Variants in ZNF142 observed in about 807,000 individuals in gnomAD.
The protein encoded by ZNF142 is zinc finger protein 142, also known as zinc finger protein 142 (clone pHZ-49).
ZNF142 carries 96 observed loss-of-function variants against 132.1 expected under a neutral mutation model. The ratio of observed to expected loss-of-function variants is 0.73; its 90% CI spans 0.62 to 0.86. The LOEUF (loss-of-function observed/expected upper bound fraction) is 0.86, where lower values mean the gene tolerates loss of function less well. Ranked by LOEUF, ZNF142 falls within the 40% of genes least tolerant of loss-of-function variation. The probability of loss-of-function intolerance (pLI) is 0.00; values close to 1 mark genes in which losing one functional copy is unlikely to be tolerated. For synonymous variants in ZNF142, 842 were observed against 890.1 expected, an observed-to-expected ratio of 0.95 and a Z score of 0.96; for missense variants, 2,163 against 2,336.2, an observed-to-expected ratio of 0.93 and a Z score of 1.53.
chr2:218,656,207 T>G lies in ZNF142; in HGVS notation c.223A>C (p.Ile75Leu). Residue 75 changes from isoleucine to leucine, a missense_variant, in exon 4 of 11, where the codon ATC (isoleucine) becomes CTC (leucine). Coordinates refer to ENST00000411696, the MANE Select transcript of ZNF142 (RefSeq NM_001379659.1). The stretch of plus-strand genomic sequence containing the variant: ...GTTCCAGCTACTGTCTCCACAATGA[T>G]CTCCATGTTCCCTGGTCCCTCTTCA... ...ATEEGPGNME[I>L]IVETVAGTLT... 6.2e-7 allele frequency: 1 copy of G among 1,612,200 alleles called. No homozygotes were observed. The highest frequency in any genetic ancestry group is 8.5e-7 in the Non-Finnish European group (1 of 1,179,002).
At position 218,656,315 on chromosome 2, in the gene ZNF142, GC is replaced by G; in HGVS notation, c.114del (p.Pro39LeufsTer23). 6.2e-7 allele frequency: 1 copy of G among 1,605,870 alleles called. No individual in the cohort carries two copies. The highest frequency in any genetic ancestry group is 1.1e-5 in the South Asian group (1 of 89,238). ...CGGGAAGGACAGGGGCTCTGGACAG[GC>G]CCCAGGATTCCACGGTTAGAGAGAG... ...PPPLSNRGIL[G>X]PVQSPCPSRD... On this transcript the variant is annotated frameshift_variant, in exon 4 of 11. Coordinates refer to ENST00000411696, the MANE Select transcript of ZNF142 (RefSeq NM_001379659.1). LOFTEE classifies it high-confidence loss of function.
chr2:218,642,809 G>A lies in ZNF142; in HGVS notation c.4307C>T (p.Thr1436Met), dbSNP rs779658769. ...GRIPCSSCPQ[T>M]FGTNSKLRLH... ...GCGCAGTTTCGAGTTGGTACCAAAC[G>A]TCTGGGGGCAAGAGCTGCAGGGGAT... Residue 1436 changes from threonine to methionine, a missense_variant, in exon 9 of 11, where the codon ACG (threonine) becomes ATG (methionine). Coordinates refer to ENST00000411696, the MANE Select transcript of ZNF142 (RefSeq NM_001379659.1). This position sits in a 1 kb window ranked among gnomAD's most constrained non-coding sequence, Gnocchi z 4.6. The A allele has an allele frequency of 5.6e-6, 9 of 1,614,220 alleles. No homozygotes were observed. Among genetic ancestry groups the A allele is most frequent in the East Asian group, 2.2e-5 (1 of 44,890 alleles).
chr2:218,639,869 C>G (rs1426225257), intron 10 of ZNF142, among the ~76,000 whole-genome samples: 2 of 149,618 alleles, frequency 1.3e-5, no homozygotes, highest in Admixed American at 1.3e-4. Context: ...TTCTGGCTAA[C>G]ACGGTGAAAC....
Position 218,643,805 on chromosome 2 carries a change from G to C in ZNF142, c.3311C>G (p.Ser1104Ter). Residue 1104 changes from serine to a stop codon, truncating the protein, a stop_gained, in exon 9 of 11, where the codon TCA (serine) becomes TGA (stop). Coordinates refer to ENST00000411696, the MANE Select transcript of ZNF142 (RefSeq NM_001379659.1). LOFTEE classifies it high-confidence loss of function. ...RKNKGLPRPD[S>*]PIPLQPVLPG... ...GAGCACAGGTTGCAGAGGGATGGGT[G>C]AATCTGGTCTGGGCAAGCCCTTGTT... The C allele has an allele frequency of 6.2e-7, 1 of 1,611,598 alleles. No homozygotes were observed. The highest frequency in any genetic ancestry group is 8.5e-7 in the Non-Finnish European group (1 of 1,178,362).
At chr2:218,648,511 T>G in intron 7 of ZNF142, 124 bp downstream of exon 7, 4 of 914,368 alleles carry the variant, frequency 4.4e-6, no homozygotes, top group Non-Finnish European at 6.5e-6. Context: ...ATTTGTAAAC[T>G]TGGAATGCTA....
chr2:218,638,696 C>G lies in ZNF142; in HGVS notation c.5307G>C (p.Gln1769His). 1 of 1,614,214 alleles carries G rather than the reference C, an allele frequency of 6.2e-7. No homozygotes were observed. Among genetic ancestry groups the G allele is most frequent in the South Asian group, 1.1e-5 (1 of 91,086 alleles). ...HREARAFMCEQCGKAFKTRFL... is the reference protein window; with the variant it reads ...HREARAFMCEHCGKAFKTRFL... ...AGCGCGTCTTGAAGGCCTTGCCACA[C>G]TGCTCACACATGAAAGCCCGTGCTT... Residue 1769 changes from glutamine to histidine, a missense_variant, in exon 11 of 11, where the codon CAG becomes CAC. Gln to His is a conservative substitution (Grantham distance 24, BLOSUM62 0). This residue lies in a region of ZNF142 where 325 missense variants were observed against 367.8 expected (regional missense o/e 0.88). Transcript: ENST00000411696.
chr2:218,648,868 T>C lies in ZNF142; in HGVS notation c.1640A>G (p.His547Arg), dbSNP rs747455639. Residue 547 changes from histidine to arginine, a missense_variant, in exon 7 of 11, where the codon CAC (histidine) becomes CGC (arginine). By Grantham distance (29) the His-to-Arg change is conservative. Around this residue, in one of 7 missense-constraint regions of ZNF142, gnomAD observed 749 missense variants for 830.3 expected, o/e 0.90. Transcript: ENST00000411696. Reference sequence around the variant, plus strand: ...CTTATTGGAACAAGCAAAATCACAGTGGGGGCAGTGGAAGGCGTAGTGACT... The same window carrying C: ...CTTATTGGAACAAGCAAAATCACAGCGGGGGCAGTGGAAGGCGTAGTGACT... ...HKSHYAFHCP[H>R]CDFACSNKHL... is the part of the protein sequence containing the mutation. 9.3e-6 allele frequency: 15 copies of C among 1,614,124 alleles called. No homozygotes were observed. The highest frequency in any genetic ancestry group is 1.6e-4 in the Middle Eastern group (1 of 6,062).
intron 8 of ZNF142, among the ~76,000 whole-genome samples, chr2:218,645,952 G>A (rs897468410): frequency 1.3e-5 from 2 of 152,108 alleles, no homozygotes; most frequent in African/African-American, 4.8e-5. Flanking sequence ...AGTAGAGATG[G>A]GGTGTTGCCC....
Position 218,648,716 on chromosome 2 carries a change from C to T in ZNF142, c.1792G>A (p.Glu598Lys). ...QDHVGKMHAH[E>K]KIHQCPECNF... is the part of the protein sequence containing the mutation. ...CACTCAGGACACTGGTGGATCTTTT[C>T]ATGAGCATGCATCTTGCCTACATGA... Residue 598 changes from glutamate (E) to lysine (K), a missense_variant, in exon 7 of 11, where the codon GAA becomes AAA. Glu to Lys is a moderately conservative substitution (Grantham distance 56). Around this residue, in one of 7 missense-constraint regions of ZNF142, gnomAD observed 749 missense variants for 830.3 expected, o/e 0.90. Transcript: ENST00000411696. 1.2e-6 allele frequency: 2 copies of T among 1,614,232 alleles called. No homozygotes were observed. Among genetic ancestry groups the T allele is most frequent in the Non-Finnish European group, 1.7e-6 (2 of 1,180,052 alleles).
Position 218,643,488 on chromosome 2 carries a change from A to C in ZNF142, c.3628T>G (p.Ser1210Ala), listed in dbSNP as rs61733644. ...HLDPVPPAGN[S>A]SPTEALKKHR... ...TTCTTCAGGGCCTCTGTGGGTGAGG[A>C]GTTTCCTGCAGGAGGGACTGGGTCA... is the stretch of plus-strand genomic sequence containing the variant. Residue 1210 changes from serine to alanine, a missense_variant, in exon 9 of 11, where the codon TCC becomes GCC. This residue lies in a region of ZNF142 where 809 missense variants were observed against 801.7 expected (regional missense o/e 1.01). Transcript: ENST00000411696. 2 of 1,613,920 alleles carry C rather than the reference A, an allele frequency of 1.2e-6. No individual in the cohort carries two copies. The highest frequency in any genetic ancestry group is 8.5e-7 in the Non-Finnish European group (1 of 1,179,970).
At chr2:218,641,373 T>C (rs1697177165) in intron 9 of ZNF142, among the ~76,000 whole-genome samples, 1 of 150,824 alleles carries the variant, frequency 6.6e-6, no homozygotes, top group African/African-American at 2.4e-5. Flanking sequence ...CAGCCTCGAG[T>C]AGCTGGGACT....
In ZNF142 at chr2:218,638,348, AG is replaced by A. The variant is rs1358038837; in HGVS notation, c.5654del (p.Pro1885LeufsTer28). The A allele has an allele frequency of 6.6e-7, 1 of 1,515,468 alleles. No homozygotes were observed. 93.9% of individuals were successfully genotyped at this position (1,515,468 alleles called of 1,614,324 possible). On this transcript the variant is annotated frameshift_variant, in exon 11 of 11. Transcript: ENST00000411696. LOFTEE classifies it high-confidence loss of function. ...GAGGTGGGGCAGGCTTTCAGCCCTC[AG>A]GTCCAGTGTGGGGAGCGGCAGGAGC... ...PPAPAAPHTG[P>X]EG
At position 218,647,145 on chromosome 2, in the gene ZNF142, C is replaced by T. The variant is rs565138784; in HGVS notation, c.1874-797G>A. Reference sequence around the variant, plus strand: ...TTGTAAAAAAATTCCTCCTCTCGGCCGGGCATGGTGGCTCACGCCTGTAAT... The same window carrying T: ...TTGTAAAAAAATTCCTCCTCTCGGCTGGGCATGGTGGCTCACGCCTGTAAT... On this transcript the variant is annotated intron_variant, in intron 7 of 10. Coordinates refer to ENST00000411696, the MANE Select transcript of ZNF142 (RefSeq NM_001379659.1). 5.9e-4 allele frequency among the ~76,000 whole-genome samples: 89 copies of T among 151,978 alleles called. 1 individual carries two copies. In the South Asian group the frequency reaches 0.014, roughly 24 times the overall value.
chr2:218,642,265 C>T lies in ZNF142; in HGVS notation c.4851G>A (p.Gly1617=), dbSNP rs1697269793. 6 of 1,614,008 alleles carry T rather than the reference C, an allele frequency of 3.7e-6. No individual in the cohort carries two copies. Among genetic ancestry groups the T allele is most frequent in the Non-Finnish European group, 4.2e-6 (5 of 1,180,056 alleles). Residue 1617 remains glycine, a synonymous_variant, in exon 9 of 11, where the codon GGG becomes GGA. Coordinates refer to ENST00000411696, the MANE Select transcript of ZNF142 (RefSeq NM_001379659.1). This position sits in a 1 kb window ranked among gnomAD's most constrained non-coding sequence, Gnocchi z 4.6. ...SAAVAASDGD[G]DAGQPPLHCP... The stretch of plus-strand genomic sequence containing the variant: ...AGTGTAGCGGGGGCTGGCCAGCATC[C>T]CCATCCCCATCTGAGGCTGCCACGG...
chr2:218,638,628 G>T lies in ZNF142; in HGVS notation c.5375C>A (p.Pro1792His). ...THLRKHSEAK[P>H]YVCNVCHRAF... ...ACGGTGGCACACATTGCACACATAGGGTTTGGCCTCACTGTGCTTGCGAAG... is the reference window on the plus strand; with the variant it reads ...ACGGTGGCACACATTGCACACATAGTGTTTGGCCTCACTGTGCTTGCGAAG... The change falls in exon 11 of 11, where the codon CCC (proline) becomes CAC (histidine). Residue 1792 changes from proline (P) to histidine (H), a missense_variant. By Grantham distance (77) the Pro-to-His change is moderately conservative. Transcript: ENST00000411696. 1 of 1,614,256 alleles carries T rather than the reference G, an allele frequency of 6.2e-7. No individual in the cohort carries two copies. Among genetic ancestry groups the T allele is most frequent in the Non-Finnish European group, 8.5e-7 (1 of 1,180,048 alleles).
chr2:218,643,940 C>T lies in ZNF142; in HGVS notation c.3176G>A (p.Cys1059Tyr). 6.2e-7 allele frequency: 1 copy of T among 1,614,140 alleles called. No individual in the cohort carries two copies. The highest frequency in any genetic ancestry group is 2.2e-5 in the East Asian group (1 of 44,876). Residue 1059 changes from cysteine (C) to tyrosine (Y), a missense_variant, in exon 9 of 11, where the codon TGC becomes TAC. By Grantham distance (194) the Cys-to-Tyr change is radical. Coordinates refer to ENST00000411696, the MANE Select transcript of ZNF142 (RefSeq NM_001379659.1). ...KALNLHSRTG[C>Y]QGRREPLLCP... ...CAGCAGGGGCTCTCGGCGGCCTTGGCACCCAGTCCTGGAGTGCAGATTCAG... is the reference window on the plus strand; with the variant it reads ...CAGCAGGGGCTCTCGGCGGCCTTGGTACCCAGTCCTGGAGTGCAGATTCAG...
rs1338342481 is a variant in ZNF142 at position 218,642,545 on chromosome 2, G to A, written c.4571C>T (p.Thr1524Ile). Residue 1524 changes from threonine (T) to isoleucine (I), a missense_variant, in exon 9 of 11, where the codon ACT becomes ATT. Physicochemically the swap from Thr to Ile is moderately conservative, Grantham distance 89 (BLOSUM62 -1). Coordinates refer to ENST00000411696, the MANE Select transcript of ZNF142 (RefSeq NM_001379659.1). The surrounding 1 kb of genome is among the most constrained non-coding windows in gnomAD (Gnocchi z 4.6). ...QPAPGSPAETTEGPLHCSRCG... is the reference protein window; with the variant it reads ...QPAPGSPAETIEGPLHCSRCG... ...GCGGGAACAGTGCAGGGGGCCCTCAGTGGTCTCTGCAGGAGAGCCAGGGGC... is the reference window on the plus strand; with the variant it reads ...GCGGGAACAGTGCAGGGGGCCCTCAATGGTCTCTGCAGGAGAGCCAGGGGC... 3.0e-5 allele frequency: 48 copies of A among 1,612,214 alleles called. No homozygotes were observed. The highest frequency in any genetic ancestry group is 3.8e-5 in the Non-Finnish European group (45 of 1,178,968).
At chr2:218,640,554 A>G (rs1697099221) in intron 10 of ZNF142, 110 bp downstream of exon 10, 6 of 918,222 alleles carry the variant, frequency 6.5e-6, no homozygotes, top group South Asian at 3.0e-5. Flanking sequence ...TCTACTCCCA[A>G]TGTGAAATTG....
chr2:218,644,116 T>G lies in ZNF142; in HGVS notation c.3000A>C (p.Ser1000=). The change falls in exon 9 of 11, where the codon TCA becomes TCC. Residue 1000 remains serine (S), a synonymous_variant. Coordinates refer to ENST00000411696, the MANE Select transcript of ZNF142 (RefSeq NM_001379659.1). The surrounding 1 kb of genome is among the most constrained non-coding windows in gnomAD (Gnocchi z 4.6). ...ETAPLPPLPE[S]ESLLKALRRQ... The stretch of plus-strand genomic sequence containing the variant: ...TCCTTAGGGCCTTGAGTAATGACTC[T>G]GACTCAGGTAATGGGGGCAAGGGTG... 6.2e-7 allele frequency: 1 copy of G among 1,614,106 alleles called. No homozygotes were observed. Among genetic ancestry groups the G allele is most frequent in the Middle Eastern group, 1.6e-4 (1 of 6,062 alleles).
Sources: allele counts gnomAD v4.1 joint callset (sites outside exome capture counted in the v4.1 genomes callset), GRCh38; gene constraint gnomAD v4.1.1; regional missense constraint gnomAD v4.1.1; non-coding constraint Gnocchi (gnomAD v3.1); transcripts MANE v1.5; gene names NCBI Gene and HGNC (gene_info 2026-07-23, HGNC 2026-07-21).